SOX5: variants seen among roughly 807,000 people sequenced by gnomAD.
The protein encoded by SOX5 is transcription factor SOX-5.
Under a neutral mutation model 92.0 loss-of-function variants are expected in SOX5, and 9 were observed. The observed-to-expected ratio is 0.10, with a 90% confidence interval of 0.06 to 0.17. The LOEUF (loss-of-function observed/expected upper bound fraction) is 0.17. Among genes scored for constraint, SOX5 ranks in the 10% least tolerant of loss-of-function variants. The pLI is 1.00. For synonymous variants in SOX5, 344 were observed against 336.3 expected, an observed-to-expected ratio of 1.02 and a Z score of -0.25; for missense variants, 642 against 944.5, an observed-to-expected ratio of 0.68 and a Z score of 4.20.
intron 4 of SOX5, among the ~76,000 whole-genome samples, chr12:23,977,034 A>G (rs1206724736): frequency 6.6e-6 from 1 of 152,198 alleles, no homozygotes; most frequent in Non-Finnish European, 1.5e-5. Flanking sequence ...TGAACTCTGT[A>G]TTTAACCTCA....
chr12:23,626,671 C>CTTTTTTTTTT (rs370910356), intron 8 of SOX5, among the ~76,000 whole-genome samples: 11 of 116,508 alleles, frequency 9.4e-5, no homozygotes, highest in East Asian at 2.7e-4. Context: ...TTCATTAGTG[C>CTTTTTTTTTT]TTTTTTTTTT....
In SOX5 at chr12:24,362,309, T is replaced by C. The variant is rs190604508; in HGVS notation, c.-174+6254A>G. On this transcript the variant is annotated intron_variant, in intron 2 of 4. Coordinates refer to the SOX5 transcript ENST00000446891. Reference sequence around the variant, plus strand: ...AATGTTTGTTATTACAAGTCACACATACAGAGTGCTGAATTCAGTCCCATC... The same window carrying C: ...AATGTTTGTTATTACAAGTCACACACACAGAGTGCTGAATTCAGTCCCATC... 2.0e-3 allele frequency among the ~76,000 whole-genome samples: 260 copies of C among 131,980 alleles called. 1 individual carries two copies. The highest frequency in any genetic ancestry group is 6.9e-3 in the African/African-American group (255 of 37,178). 86.6% of individuals were successfully genotyped at this position (131,980 alleles called of 152,430 possible).
chr12:23,549,738 C>A (rs1943832166), intron 11 of SOX5, among the ~76,000 whole-genome samples: 1 of 151,892 alleles, frequency 6.6e-6, no homozygotes, highest in Admixed American at 6.6e-5. Flanking sequence ...GGGATAACAA[C>A]TAGATTCCTT....
At chr12:24,516,369 TA>T (rs1949788601) in intron 1 of SOX5, among the ~76,000 whole-genome samples, 1 of 152,132 alleles carries the variant, frequency 6.6e-6, no homozygotes, top group South Asian at 2.1e-4. Context: ...TTTTTAATAT[TA>T]CAGCCCTGTG....
intron 2 of SOX5, among the ~76,000 whole-genome samples, chr12:24,278,702 C>A (rs1247281674): frequency 6.6e-6 from 1 of 152,018 alleles, no homozygotes. Flanking sequence ...CAAAATGAGA[C>A]CCCATCTCAA....
At chr12:23,992,908 A>G (rs56182230) in intron 4 of SOX5, among the ~76,000 whole-genome samples, 33,412 of 152,126 alleles carry the variant, frequency 0.22, 3,856 homozygotes, top group Non-Finnish European at 0.24. Flanking sequence ...GCCTCTACTC[A>G]ACCACTCTAT....
chr12:23,695,129 A>AAG (rs1187303773), intron 6 of SOX5, among the ~76,000 whole-genome samples: 1 of 151,588 alleles, frequency 6.6e-6, no homozygotes, highest in Non-Finnish European at 1.5e-5. Flanking sequence ...AAAAAAAAAA[A>AAG]AAAATCAATT....
intron 12 of SOX5, 43 bp downstream of exon 12, chr12:23,546,273 C>T: frequency 8.7e-7 from 1 of 1,152,116 alleles, no homozygotes; most frequent in Non-Finnish European, 1.3e-6. Context: ...TACCTAGACA[C>T]TTTCTTGCAT....
At chr12:24,238,688 C>T (rs907095201) in intron 3 of SOX5, among the ~76,000 whole-genome samples, 3 of 152,108 alleles carry the variant, frequency 2.0e-5, no homozygotes, top group Admixed American at 6.6e-5. Context: ...TAGTTGACTT[C>T]TTATGCTGCT....
chr12:24,365,396 G>A (rs1956065523), intron 2 of SOX5, among the ~76,000 whole-genome samples: 1 of 151,964 alleles, frequency 6.6e-6, no homozygotes, highest in African/African-American at 2.4e-5. Context: ...AGCTACTCTT[G>A]TCTTCACCTT....
At chr12:24,121,319 T>C (rs1336964863) in intron 4 of SOX5, among the ~76,000 whole-genome samples, 2 of 152,162 alleles carry the variant, frequency 1.3e-5, no homozygotes, top group African/African-American at 4.8e-5. Context: ...AAATTTTTTG[T>C]ACCAAAACAA....
chr12:23,547,715 C>T (rs1235737593), intron 11 of SOX5, among the ~76,000 whole-genome samples: 1 of 152,008 alleles, frequency 6.6e-6, no homozygotes, highest in African/African-American at 2.4e-5. Flanking sequence ...TTTAAATTGT[C>T]AATCAGTATA....
intron 1 of SOX5, among the ~76,000 whole-genome samples, chr12:24,439,804 A>G (rs887826413): frequency 2.0e-5 from 3 of 152,118 alleles, no homozygotes; most frequent in Non-Finnish European, 4.4e-5. Context: ...CTGAGGCAGG[A>G]GAATGGTGTG....
At chr12:24,017,249 C>G (rs957222880) in intron 4 of SOX5, among the ~76,000 whole-genome samples, 1 of 152,170 alleles carries the variant, frequency 6.6e-6, no homozygotes, top group South Asian at 2.1e-4. Flanking sequence ...TGACTTAACC[C>G]GACAACCTGC....
chr12:23,929,720 G>A (rs780774766), intron 1 of SOX5, among the ~76,000 whole-genome samples: 10 of 151,748 alleles, frequency 6.6e-5, no homozygotes, highest in East Asian at 1.9e-4. Flanking sequence ...TAAAAAATAC[G>A]TGTTTCCACC....
intron 4 of SOX5, among the ~76,000 whole-genome samples, chr12:24,036,069 T>C (rs1183632733): frequency 6.6e-6 from 1 of 152,018 alleles, no homozygotes; most frequent in Non-Finnish European, 1.5e-5. Flanking sequence ...ATAAAAGGCT[T>C]TAACTTAAGT....
At chr12:23,963,128 C>A (rs942567096) in intron 4 of SOX5, among the ~76,000 whole-genome samples, 1 of 152,138 alleles carries the variant, frequency 6.6e-6, no homozygotes, top group Admixed American at 6.5e-5. Flanking sequence ...TATAAGGAAA[C>A]TGCACGATTT....
chr12:23,615,280 T>A (rs183854128), intron 8 of SOX5, among the ~76,000 whole-genome samples: 185 of 152,216 alleles, frequency 1.2e-3, no homozygotes, highest in African/African-American at 3.4e-3. Flanking sequence ...TTGCTTTTTT[T>A]AAAAAAAATT....
intron 8 of SOX5, among the ~76,000 whole-genome samples, chr12:23,629,612 G>A (rs2138368429): frequency 1.3e-5 from 2 of 152,188 alleles, no homozygotes; most frequent in East Asian, 3.9e-4. Context: ...TCTGGAGGGT[G>A]CTTGAACATA....
Sources: allele counts gnomAD v4.1 joint callset (sites outside exome capture counted in the v4.1 genomes callset), GRCh38; gene constraint gnomAD v4.1.1; transcripts MANE v1.5; gene names NCBI Gene and HGNC (gene_info 2026-07-23, HGNC 2026-07-21).